Variants in DPP6 observed in about 807,000 individuals in gnomAD.
DPP6 encodes the protein dipeptidyl peptidase like 6, also known as A-type potassium channel modulatory protein DPP6.
DPP6 carries 69 observed loss-of-function variants against 122.6 expected under a neutral mutation model. The ratio of observed to expected loss-of-function variants is 0.56; its 90% CI spans 0.46 to 0.69. The LOEUF (loss-of-function observed/expected upper bound fraction) is 0.69. DPP6 is among the 30% of genes least tolerant of loss of function. The pLI is 0.00. For synonymous variants in DPP6, 418 were observed against 433.1 expected (o/e 0.97, Z 0.43); for missense variants, 928 against 1,116.9 (o/e 0.83, Z 2.41).
chr7:154,305,222 T>C, intron 1 of DPP6: 5 of 1,187,532 alleles, frequency 4.2e-6, no homozygotes, highest in South Asian at 3.3e-5. Context: ...TCATTGTTTC[T>C]GTGGCGATTG....
At chr7:153,848,244 C>A in the DPP6 span, among the ~76,000 whole-genome samples, 6 of 150,044 alleles carry the variant, frequency 4.0e-5, no homozygotes, top group East Asian at 4.0e-4. Context: ...GTCGCCCCCC[C>A]ACCAATCCCC....
At chr7:154,301,201 C>T (rs928926373) in intron 1 of DPP6, among the ~76,000 whole-genome samples, 3 of 152,244 alleles carry the variant, frequency 2.0e-5, no homozygotes, top group East Asian at 1.9e-4. Flanking sequence ...GCACTTCCAC[C>T]GCTGCAGGTA....
At chr7:153,843,434 G>C in the DPP6 span, among the ~76,000 whole-genome samples, 55 of 152,122 alleles carry the variant, frequency 3.6e-4, 1 homozygote, top group Non-Finnish European at 7.5e-4. Context: ...ACAATGCAAC[G>C]GGGCTCTCTC....
chr7:153,842,000 T>A, the DPP6 span, among the ~76,000 whole-genome samples: 3 of 152,204 alleles, frequency 2.0e-5, no homozygotes, highest in East Asian at 5.8e-4. Flanking sequence ...TGACGTTTCA[T>A]TGATGATCCA....
At position 154,194,294 on chromosome 7, in the gene DPP6, G is replaced by T. The variant is rs553202222; in HGVS notation, c.243+141231G>T. ...GTCAGAAAGAAAATATAACCAGGGG[G>T]TGAAATAGAAGGGAATTATCATAAA... is the stretch of plus-strand genomic sequence containing the variant. On this transcript the variant is annotated intron_variant, in intron 1 of 25. Transcript: ENST00000377770. Among the ~76,000 whole-genome samples, 361 of 152,286 alleles carry T rather than the reference G, an allele frequency of 2.4e-3. 1 individual carries two copies. The highest frequency in any genetic ancestry group is 8.4e-3 in the African/African-American group (349 of 41,560).
At chr7:154,005,773 G>A (rs1272498208) in intron 1 of DPP6, among the ~76,000 whole-genome samples, 1 of 150,964 alleles carries the variant, frequency 6.6e-6, no homozygotes, top group Non-Finnish European at 1.5e-5. Flanking sequence ...GGAGAGAAGT[G>A]GGTAGGGTTT....
At chr7:153,849,380 T>A in the DPP6 span, among the ~76,000 whole-genome samples, 2 of 152,092 alleles carry the variant, frequency 1.3e-5, no homozygotes, top group Admixed American at 1.3e-4. Flanking sequence ...GCTGAAGATG[T>A]CGTCCTTGCT....
chr7:154,454,810 T>C (rs1820686570), intron 2 of DPP6, among the ~76,000 whole-genome samples: 1 of 152,182 alleles, frequency 6.6e-6, no homozygotes, highest in Non-Finnish European at 1.5e-5. Flanking sequence ...AACATTTGGA[T>C]ATGTTGTATT....
rs539171948 is a variant in DPP6 at position 154,759,157 on chromosome 7, G to A, written c.884-10260G>A. Among the ~76,000 whole-genome samples the A allele has an allele frequency of 2.5e-4, 38 of 152,242 alleles. No homozygotes were observed. In the Middle Eastern group the frequency reaches 0.02, roughly 82 times the overall value. ...GCCCCCTGGTGCGAATTCACCCCTC[G>A]CCACCACCCCGCAGGGATGCTCCCA... On this transcript the variant is annotated intron_variant, in intron 8 of 25. Transcript: ENST00000377770.
intron 1 of DPP6, among the ~76,000 whole-genome samples, chr7:153,989,907 G>A (rs1455950202): frequency 6.6e-6 from 1 of 151,132 alleles, no homozygotes; most frequent in South Asian, 2.1e-4. Flanking sequence ...TGACAGTCCT[G>A]CCACCTGCCA....
chr7:154,058,092 T>G (rs377636090), intron 1 of DPP6: 2 of 128,074 alleles, frequency 1.6e-5, no homozygotes, highest in East Asian at 2.4e-4. Context: ...GAGGGAGGCA[T>G]CCCCCATGAG....
intron 8 of DPP6, among the ~76,000 whole-genome samples, chr7:154,738,352 C>T (rs1343447703): frequency 6.6e-6 from 1 of 152,226 alleles, no homozygotes; most frequent in Non-Finnish European, 1.5e-5. Context: ...TTCGTGGCTC[C>T]TTGTTTCTGG....
At chr7:154,565,417 GC>G (rs1228962992) in intron 4 of DPP6, among the ~76,000 whole-genome samples, 1 of 152,196 alleles carries the variant, frequency 6.6e-6, no homozygotes, top group Non-Finnish European at 1.5e-5. Flanking sequence ...GATATTACGA[GC>G]CCTTTAAAGA....
chr7:153,844,813 A>C, the DPP6 span, among the ~76,000 whole-genome samples: 1 of 152,216 alleles, frequency 6.6e-6, no homozygotes, highest in Non-Finnish European at 1.5e-5. Flanking sequence ...GTGACTTACT[A>C]TCAAGTTATA....
intron 3 of DPP6, among the ~76,000 whole-genome samples, chr7:154,491,018 A>G (rs1222516557): frequency 1.3e-5 from 2 of 152,214 alleles, no homozygotes; most frequent in Non-Finnish European, 2.9e-5. Context: ...GACAAAATGC[A>G]TGTGTGATGG....
At chr7:154,244,685 T>TA (rs1264249107) in intron 1 of DPP6, among the ~76,000 whole-genome samples, 1 of 151,984 alleles carries the variant, frequency 6.6e-6, no homozygotes, top group Non-Finnish European at 1.5e-5. Flanking sequence ...AGTAACAAAT[T>TA]AAAAAATAAT....
chr7:154,779,277 CCACCACCACCCCCACTACTAT>C (rs879300962), intron 10 of DPP6, among the ~76,000 whole-genome samples: 31,036 of 101,434 alleles, frequency 0.31, 4,167 homozygotes, highest in Non-Finnish European at 0.41. Flanking sequence ...ATCACCACCT[CCACCACCACCCCCACTACTAT>C]CACCACCACC....
upstream of DPP6, among the ~76,000 whole-genome samples, chr7:153,883,340 T>C (rs190947434): frequency 7.2e-5 from 11 of 152,282 alleles, no homozygotes; most frequent in Non-Finnish European, 1.3e-4. Flanking sequence ...CCATCTTATG[T>C]TAAGCACTTT....
At chr7:154,349,149 T>G (rs1316671893) in intron 1 of DPP6, among the ~76,000 whole-genome samples, 2 of 152,090 alleles carry the variant, frequency 1.3e-5, no homozygotes, top group Non-Finnish European at 2.9e-5. Flanking sequence ...ATAGTTAATT[T>G]TTGTTGTTGT....
Sources: allele counts gnomAD v4.1 joint callset (sites outside exome capture counted in the v4.1 genomes callset), GRCh38; gene constraint gnomAD v4.1.1; transcripts MANE v1.5; gene names NCBI Gene and HGNC (gene_info 2026-07-23, HGNC 2026-07-21).